Variants in EXOC4 observed in about 807,000 individuals in gnomAD.
EXOC4 encodes SEC8-like 1.
Under a neutral mutation model 107.2 loss-of-function variants are expected in EXOC4, and 71 were observed. That is an observed-to-expected ratio of 0.66 (90% CI 0.55 to 0.81). EXOC4 has a LOEUF of 0.81. Among genes scored for constraint, EXOC4 ranks in the 30% least tolerant of loss-of-function variants. The pLI, the probability that EXOC4 is intolerant of heterozygous loss-of-function variation, is 0.00. For missense variants in EXOC4, 1,108 were observed against 1,189.6 expected (o/e 0.93, Z 1.01); for synonymous variants, 456 against 441.2 (o/e 1.03, Z -0.42).
intron 13 of EXOC4, among the ~76,000 whole-genome samples, chr7:133,921,291 A>G (rs896440114): frequency 3.3e-5 from 5 of 152,158 alleles, no homozygotes; most frequent in South Asian, 2.1e-4. Context: ...CAGGCCCTCA[A>G]TGGATTGGAT....
At chr7:134,020,258 CT>C (rs1794999093) in intron 17 of EXOC4, among the ~76,000 whole-genome samples, 1 of 152,128 alleles carries the variant, frequency 6.6e-6, no homozygotes, top group African/African-American at 2.4e-5. Context: ...GACTCCATCC[CT>C]AAAAGTTCTG....
At chr7:133,990,917 T>G (rs1452120860) in intron 14 of EXOC4, among the ~76,000 whole-genome samples, 2 of 152,214 alleles carry the variant, frequency 1.3e-5, no homozygotes, top group African/African-American at 4.8e-5. Flanking sequence ...TTTGATATAC[T>G]GATTTCCTCT....
intron 7 of EXOC4, among the ~76,000 whole-genome samples, chr7:133,467,082 T>G (rs997439636): frequency 4.6e-5 from 7 of 152,182 alleles, no homozygotes; most frequent in African/African-American, 1.7e-4. Flanking sequence ...TATTTCAAGT[T>G]CACGGGCGTA....
chr7:133,918,388 CT>C (rs1348518810), intron 13 of EXOC4, among the ~76,000 whole-genome samples: 1 of 152,174 alleles, frequency 6.6e-6, no homozygotes, highest in Non-Finnish European at 1.5e-5. Context: ...GGGCCATACC[CT>C]TTCAAACATG....
intron 7 of EXOC4, among the ~76,000 whole-genome samples, chr7:133,421,981 G>C (rs188725396): frequency 1.6e-4 from 25 of 152,184 alleles, no homozygotes; most frequent in African/African-American, 6.0e-4. Context: ...TATAATACTA[G>C]GCAGAAGAAA....
the EXOC4 span, among the ~76,000 whole-genome samples, chr7:134,093,055 C>G: frequency 6.6e-6 from 1 of 151,934 alleles, no homozygotes; most frequent in Non-Finnish European, 1.5e-5. Context: ...AAGCTAACAA[C>G]TTCACCATTG....
At chr7:133,824,494 CT>C (rs1444875242) in intron 11 of EXOC4, among the ~76,000 whole-genome samples, 2 of 152,178 alleles carry the variant, frequency 1.3e-5, no homozygotes, top group African/African-American at 4.8e-5. Context: ...CTGCTTTCTC[CT>C]TTTCCTGGAG....
chr7:133,558,862 C>T (rs1325825046), intron 9 of EXOC4, among the ~76,000 whole-genome samples: 2 of 152,182 alleles, frequency 1.3e-5, no homozygotes, highest in African/African-American at 4.8e-5. Context: ...GGAGGAAACC[C>T]TGTGCCCACC....
At chr7:133,494,424 C>T (rs547868637) in intron 9 of EXOC4, among the ~76,000 whole-genome samples, 1 of 152,264 alleles carries the variant, frequency 6.6e-6, no homozygotes, top group Non-Finnish European at 1.5e-5. Context: ...ATATCATTCC[C>T]CACAGCATGT....
At chr7:133,789,355 C>T (rs1460248022) in intron 10 of EXOC4, among the ~76,000 whole-genome samples, 2 of 152,188 alleles carry the variant, frequency 1.3e-5, no homozygotes, top group African/African-American at 2.4e-5. Context: ...TTGCATTTTG[C>T]TGATGTTTCT....
chr7:133,505,009 A>G (rs1799642251), intron 9 of EXOC4, among the ~76,000 whole-genome samples: 1 of 152,130 alleles, frequency 6.6e-6, no homozygotes, highest in South Asian at 2.1e-4. Flanking sequence ...TCGGAGATTG[A>G]AATGTTGTGA....
Position 133,751,788 on chromosome 7 carries a change from A to AT in EXOC4, c.1515-65529dup, listed in dbSNP as rs577344164. Among the ~76,000 whole-genome samples, 49 of 151,128 alleles carry AT rather than the reference A, an allele frequency of 3.2e-4. 1 individual carries two copies. Among genetic ancestry groups the AT allele is most frequent in the Non-Finnish European group, 5.6e-4 (38 of 67,762 alleles). On this transcript the variant is annotated intron_variant, in intron 10 of 17. Coordinates refer to ENST00000253861, the MANE Select transcript of EXOC4 (RefSeq NM_021807.4). ...CCTTGAAACTATCCTTTTACATACTATTTTTTTTCACTTGGAACGGCTACT... is the reference window on the plus strand; with the variant it reads ...CCTTGAAACTATCCTTTTACATACTATTTTTTTTTCACTTGGAACGGCTACT...
intron 17 of EXOC4, among the ~76,000 whole-genome samples, chr7:134,046,920 G>A (rs199840748): frequency 6.6e-6 from 1 of 152,150 alleles, no homozygotes; most frequent in African/African-American, 2.4e-5. Context: ...GCGCTCCAAA[G>A]GCAGATGTTT....
chr7:134,080,398 GATATTA>G, the EXOC4 span, among the ~76,000 whole-genome samples: 1 of 147,390 alleles, frequency 6.8e-6, no homozygotes, highest in African/African-American at 2.6e-5. Context: ...GCGAGTAGGA[GATATTA>G]ATAAGTTTGT....
chr7:133,663,567 A>G (rs1176105522), intron 10 of EXOC4, among the ~76,000 whole-genome samples: 1 of 152,160 alleles, frequency 6.6e-6, no homozygotes, highest in Non-Finnish European at 1.5e-5. Context: ...TCTTTCCCTT[A>G]GTCTTTGCAT....
the EXOC4 span, among the ~76,000 whole-genome samples, chr7:134,074,318 T>C: frequency 6.6e-6 from 1 of 152,198 alleles, no homozygotes; most frequent in Non-Finnish European, 1.5e-5. Flanking sequence ...CTCCCCTCCC[T>C]TCTTCTCCCC....
intron 6 of EXOC4, 130 bp downstream of exon 6, chr7:133,356,703 A>G (rs531805350): frequency 7.4e-6 from 8 of 1,075,200 alleles, no homozygotes; most frequent in African/African-American, 1.6e-5. Context: ...CATACAGGCC[A>G]GGCGCAGTGG....
intron 17 of EXOC4, among the ~76,000 whole-genome samples, chr7:134,044,993 T>C (rs927937075): frequency 1.3e-5 from 2 of 152,132 alleles, no homozygotes; most frequent in Admixed American, 1.3e-4. Context: ...TATAAAAGAA[T>C]TCAATACTGG....
intron 10 of EXOC4, among the ~76,000 whole-genome samples, chr7:133,774,921 A>G (rs1471685704): frequency 1.3e-5 from 2 of 149,862 alleles, no homozygotes; most frequent in Non-Finnish European, 3.0e-5. Flanking sequence ...CCACTTTATT[A>G]GTTGAATAAA....
Sources: gnomAD v4.1 joint callset for allele counts (sites outside exome capture counted in the v4.1 genomes callset) on GRCh38, gnomAD v4.1.1 for gene constraint, MANE v1.5 for transcripts, NCBI Gene and HGNC (gene_info 2026-07-23, HGNC 2026-07-21) for gene names.